NALF1: variants seen among roughly 807,000 people sequenced by gnomAD.
NALF1 encodes family with sequence similarity 155 member A.
A neutral mutation model predicts 48.4 loss-of-function variants in NALF1; 3 were observed. The ratio of observed to expected loss-of-function variants is 0.06; its 90% CI spans 0.03 to 0.16. The LOEUF is 0.16. Ranked by LOEUF, NALF1 falls within the 10% of genes least tolerant of loss-of-function variation. The pLI is 1.00. For missense variants in NALF1, 526 were observed against 571.5 expected, an observed-to-expected ratio of 0.92 and a Z score of 0.81; for synonymous variants, 262 against 245.7, an observed-to-expected ratio of 1.07 and a Z score of -0.62.
chr13:107,442,408 C>T (rs1225949194), intron 1 of NALF1, among the ~76,000 whole-genome samples: 1 of 152,198 alleles, frequency 6.6e-6, no homozygotes, highest in Non-Finnish European at 1.5e-5. Context: ...TGCCAATTCA[C>T]TTGGCTCTCT....
chr13:107,803,446 T>C (rs141792752), intron 1 of NALF1, among the ~76,000 whole-genome samples: 1,663 of 152,276 alleles, frequency 0.011, 11 homozygotes, highest in Non-Finnish European at 0.019. Context: ...TGACCTAACA[T>C]GGATTAAGAA....
At chr13:107,249,921 A>C (rs16969937) in intron 1 of NALF1, among the ~76,000 whole-genome samples, 19,138 of 152,056 alleles carry the variant, frequency 0.13, 1,565 homozygotes, top group East Asian at 0.4. Context: ...AATTAGTACA[A>C]ATCACTCATT....
chr13:107,858,364 C>T (rs1215707096), intron 1 of NALF1, among the ~76,000 whole-genome samples: 1 of 152,068 alleles, frequency 6.6e-6, no homozygotes, highest in African/African-American at 2.4e-5. Flanking sequence ...AAAAAGAAAA[C>T]ATTTACAGTG....
At chr13:107,385,020 C>T (rs1011603810) in intron 1 of NALF1, among the ~76,000 whole-genome samples, 3 of 152,164 alleles carry the variant, frequency 2.0e-5, no homozygotes, top group Non-Finnish European at 2.9e-5. Flanking sequence ...TCCATACCCA[C>T]TTCATGTGGT....
At chr13:107,636,383 T>C (rs1252977385) in intron 1 of NALF1, among the ~76,000 whole-genome samples, 1 of 152,188 alleles carries the variant, frequency 6.6e-6, no homozygotes, top group African/African-American at 2.4e-5. Flanking sequence ...ACCAATACTA[T>C]AGAACTCACA....
chr13:107,335,996 G>C (rs1882548516), intron 1 of NALF1, among the ~76,000 whole-genome samples: 1 of 152,024 alleles, frequency 6.6e-6, no homozygotes, highest in South Asian at 2.1e-4. Context: ...GAACTGTGAA[G>C]TGATGGTGAA....
At chr13:107,774,902 T>G (rs927105624) in intron 1 of NALF1, among the ~76,000 whole-genome samples, 4 of 152,200 alleles carry the variant, frequency 2.6e-5, no homozygotes, top group African/African-American at 9.6e-5. Context: ...CTCTATATTA[T>G]GCACATGTGT....
intron 1 of NALF1, among the ~76,000 whole-genome samples, chr13:107,266,684 G>T (rs1881045415): frequency 6.6e-6 from 1 of 152,106 alleles, no homozygotes; most frequent in Non-Finnish European, 1.5e-5. Flanking sequence ...CACCACAGAG[G>T]TTGACCAAAG....
chr13:107,189,527 G>A (rs1382337630), intron 2 of NALF1, among the ~76,000 whole-genome samples: 2 of 152,104 alleles, frequency 1.3e-5, no homozygotes, highest in East Asian at 1.9e-4. Flanking sequence ...GAAGAGGTCC[G>A]TGCTCTGTAG....
At chr13:107,198,438 G>A (rs549908536) in intron 2 of NALF1, among the ~76,000 whole-genome samples, 17 of 152,290 alleles carry the variant, frequency 1.1e-4, no homozygotes, top group Admixed American at 2.0e-4. Context: ...TACTCTCTGC[G>A]TAATTATCAT....
intron 2 of NALF1, among the ~76,000 whole-genome samples, chr13:107,185,506 C>G (rs1168031933): frequency 6.6e-6 from 1 of 151,152 alleles, no homozygotes; most frequent in East Asian, 2.0e-4. Context: ...CCAGTTAGTT[C>G]TCTTCCTCTG....
Position 107,165,279 on chromosome 13 carries a change from T to C in NALF1, c.*5218A>G, listed in dbSNP as rs1340638831. 1 of 152,304 alleles carries C rather than the reference T, an allele frequency of 6.6e-6. No homozygotes were observed. Among genetic ancestry groups the C allele is most frequent in the East Asian group, 1.9e-4 (1 of 5,182 alleles). The allele number at this position is 152,304 out of a possible 1,614,324, so 9.4% of individuals were successfully genotyped here. On this transcript the variant is annotated 3_prime_UTR_variant, in exon 3 of 3. Coordinates refer to ENST00000375915, the MANE Select transcript of NALF1 (RefSeq NM_001080396.3). ...AGATCTTCCTGATCATTTTGATTTT[T>C]TCATTTAAGATTGAGTGATTCTACA...
chr13:107,221,806 C>G (rs1355916761), intron 1 of NALF1, among the ~76,000 whole-genome samples: 1 of 152,142 alleles, frequency 6.6e-6, no homozygotes, highest in Non-Finnish European at 1.5e-5. Flanking sequence ...CACCCCACAT[C>G]AAACTGTGTT....
At chr13:107,178,217 T>A (rs1388105208) in intron 2 of NALF1, among the ~76,000 whole-genome samples, 1 of 152,010 alleles carries the variant, frequency 6.6e-6, no homozygotes, top group Non-Finnish European at 1.5e-5. Flanking sequence ...TCACACCAAG[T>A]TAAAACGTTT....
At chr13:107,582,476 C>T (rs1420234867) in intron 1 of NALF1, among the ~76,000 whole-genome samples, 2 of 152,150 alleles carry the variant, frequency 1.3e-5, no homozygotes, top group African/African-American at 4.8e-5. Context: ...CAAAAGATAA[C>T]CCTTGCAAAC....
At chr13:107,470,799 A>G (rs546126786) in intron 1 of NALF1, among the ~76,000 whole-genome samples, 8 of 152,146 alleles carry the variant, frequency 5.3e-5, no homozygotes, top group Non-Finnish European at 1.2e-4. Flanking sequence ...TATTATTATA[A>G]TATAATACAC....
intron 1 of NALF1, among the ~76,000 whole-genome samples, chr13:107,382,761 C>T (rs1466304495): frequency 6.6e-6 from 1 of 152,188 alleles, no homozygotes; most frequent in East Asian, 1.9e-4. Context: ...CCCCACTTAA[C>T]CAATGGACAC....
intron 1 of NALF1, among the ~76,000 whole-genome samples, chr13:107,399,533 C>T (rs536003811): frequency 5.3e-5 from 8 of 152,044 alleles, no homozygotes; most frequent in Non-Finnish European, 1.2e-4. Context: ...CGGCTCTGCT[C>T]GTGTCCTCCT....
At chr13:107,768,611 T>G (rs1409802505) in intron 1 of NALF1, among the ~76,000 whole-genome samples, 1 of 152,136 alleles carries the variant, frequency 6.6e-6, no homozygotes, top group Non-Finnish European at 1.5e-5. Context: ...TAACATCTGA[T>G]AAGCAAATGG....
Sources: allele counts gnomAD v4.1 joint callset (sites outside exome capture counted in the v4.1 genomes callset), GRCh38; gene constraint gnomAD v4.1.1; transcripts MANE v1.5; gene names NCBI Gene and HGNC (gene_info 2026-07-23, HGNC 2026-07-21).